Variants in SRD5A1 observed in about 807,000 individuals in gnomAD.
SRD5A1 encodes steroid 5 alpha-reductase 1.
In SRD5A1, 22 loss-of-function variants were observed where a neutral mutation model predicts 28.2. That is an observed-to-expected ratio of 0.78 (90% CI 0.56 to 1.12). SRD5A1 has a LOEUF of 1.12. Ranked by LOEUF, SRD5A1 falls within the 50% of genes most tolerant of loss-of-function variation. SRD5A1 has a pLI of 0.00. For synonymous variants in SRD5A1, 151 were observed against 135.0 expected (o/e 1.12, Z -0.82); for missense variants, 300 against 346.7 (o/e 0.87, Z 1.07).
chr5:6,663,491 T>A (rs537399771), intron 4 of SRD5A1, among the ~76,000 whole-genome samples: 1 of 152,332 alleles, frequency 6.6e-6, no homozygotes, highest in South Asian at 2.1e-4. Context: ...TGACATCATT[T>A]TCCAGAGACC....
chr5:6,638,057 G>A (rs575838847), intron 1 of SRD5A1, among the ~76,000 whole-genome samples: 1 of 152,320 alleles, frequency 6.6e-6, no homozygotes, highest in Admixed American at 6.5e-5. Context: ...AGTTTTTTTA[G>A]GCTGGGCGCA....
chr5:6,635,730 G>A (rs183292412), intron 1 of SRD5A1, among the ~76,000 whole-genome samples: 1 of 152,320 alleles, frequency 6.6e-6, no homozygotes, highest in African/African-American at 2.4e-5. Context: ...AGCCTCATGT[G>A]CCAGCAAAAC....
chr5:6,635,692 C>G (rs1560149), intron 1 of SRD5A1, among the ~76,000 whole-genome samples: 28,852 of 152,266 alleles, frequency 0.19, 3,285 homozygotes, highest in East Asian at 0.49. Context: ...GACATGTACT[C>G]TGTGTGTCAT....
chr5:6,656,876 C>T (rs1188395093), intron 3 of SRD5A1, among the ~76,000 whole-genome samples: 1 of 152,080 alleles, frequency 6.6e-6, no homozygotes, highest in Non-Finnish European at 1.5e-5. Flanking sequence ...GGTACAGAAC[C>T]CACAAGGAAG....
intron 1 of SRD5A1, among the ~76,000 whole-genome samples, chr5:6,641,182 T>C (rs1738345178): frequency 6.6e-6 from 1 of 152,184 alleles, no homozygotes; most frequent in African/African-American, 2.4e-5. Context: ...GACCCTGTCA[T>C]TTATGCCTGG....
At chr5:6,635,651 A>C (rs1738162464) in intron 1 of SRD5A1, among the ~76,000 whole-genome samples, 1 of 152,220 alleles carries the variant, frequency 6.6e-6, no homozygotes, top group Non-Finnish European at 1.5e-5. Context: ...AATACCTAGC[A>C]CTATTTTGCA....
intron 4 of SRD5A1, among the ~76,000 whole-genome samples, chr5:6,666,352 G>T (rs1201317892): frequency 6.6e-6 from 1 of 152,132 alleles, no homozygotes; most frequent in Non-Finnish European, 1.5e-5. Context: ...GTTTCACCGT[G>T]TCAGCCAGGA....
intron 3 of SRD5A1, among the ~76,000 whole-genome samples, chr5:6,660,126 A>G (rs1186388682): frequency 6.6e-6 from 1 of 152,236 alleles, no homozygotes; most frequent in Non-Finnish European, 1.5e-5. Context: ...CAGTACATAC[A>G]GGCTGAACTA....
At chr5:6,667,072 C>T (rs1177855421) in intron 4 of SRD5A1, among the ~76,000 whole-genome samples, 1 of 152,246 alleles carries the variant, frequency 6.6e-6, no homozygotes, top group Admixed American at 6.5e-5. Context: ...CTGTGAACAC[C>T]TTCAGCCTCT....
At chr5:6,666,799 G>T (rs1056383194) in intron 4 of SRD5A1, among the ~76,000 whole-genome samples, 1 of 151,562 alleles carries the variant, frequency 6.6e-6, no homozygotes, top group Non-Finnish European at 1.5e-5. Context: ...CCAGCCTGGT[G>T]GGGGGGCGCG....
At chr5:6,659,187 C>T (rs967322050) in intron 3 of SRD5A1, among the ~76,000 whole-genome samples, 1 of 151,416 alleles carries the variant, frequency 6.6e-6, no homozygotes, top group African/African-American at 2.4e-5. Flanking sequence ...GATCTCGGCT[C>T]ACTGCAAGCT....
intron 1 of SRD5A1, among the ~76,000 whole-genome samples, chr5:6,642,288 T>C (rs1738388565): frequency 6.6e-6 from 1 of 152,242 alleles, no homozygotes; most frequent in Non-Finnish European, 1.5e-5. Context: ...AGTCCACATG[T>C]ATATGATTTT....
At chr5:6,635,173 A>T (rs1738143725) in intron 1 of SRD5A1, among the ~76,000 whole-genome samples, 1 of 152,220 alleles carries the variant, frequency 6.6e-6, no homozygotes, top group Middle Eastern at 3.2e-3. Context: ...GAGTTCCCTG[A>T]AAACCAGCAC....
At chr5:6,649,059 G>T (rs1400072996) in intron 1 of SRD5A1, among the ~76,000 whole-genome samples, 1 of 152,188 alleles carries the variant, frequency 6.6e-6, no homozygotes, top group Admixed American at 6.5e-5. Context: ...GGAGGCTGCA[G>T]AACAACAAAC....
intron 1 of SRD5A1, among the ~76,000 whole-genome samples, chr5:6,642,405 A>G (rs1412297216): frequency 2.0e-5 from 3 of 152,196 alleles, no homozygotes; most frequent in Non-Finnish European, 4.4e-5. Context: ...ATATCTTCCT[A>G]TGGAAGATTA....
Position 6,657,748 on chromosome 5 carries a change from G to A in SRD5A1, c.562+1569G>A, listed in dbSNP as rs531733161. 5.3e-5 allele frequency among the ~76,000 whole-genome samples: 8 copies of A among 152,306 alleles called. No homozygotes were observed. The South Asian group carries it at 8.3e-4, about 16-fold the overall frequency. On this transcript the variant is annotated intron_variant, in intron 3 of 4. Coordinates refer to ENST00000274192, the MANE Select transcript of SRD5A1 (RefSeq NM_001047.4). ...GGCCCTCCTGGGCCAGGCTGGTTACGGAAAGGCCTGCGGTGCCTTATACAG... is the reference window on the plus strand; with the variant it reads ...GGCCCTCCTGGGCCAGGCTGGTTACAGAAAGGCCTGCGGTGCCTTATACAG...
At chr5:6,645,186 A>G in intron 1 of SRD5A1, 1 of 350,504 alleles carries the variant, frequency 2.9e-6, no homozygotes, top group Non-Finnish European at 5.7e-6. Flanking sequence ...GCATGACACT[A>G]CTATTATGTG....
intron 4 of SRD5A1, among the ~76,000 whole-genome samples, chr5:6,667,080 T>C (rs375471777): frequency 8.3e-4 from 127 of 152,334 alleles, no homozygotes; most frequent in African/African-American, 2.9e-3. Context: ...ACCTTCAGCC[T>C]CTAACCAGCG....
At position 6,647,385 on chromosome 5, in the gene SRD5A1, C is replaced by A. The variant is rs547225951; in HGVS notation, c.294-4457C>A. ...AATATTGACAGTGGGGTGTTAAAGT[C>A]TCCCACTATTATTGTGTGGGAGTCT... On this transcript the variant is annotated intron_variant, in intron 1 of 4. Transcript: ENST00000274192. 2.3e-4 allele frequency among the ~76,000 whole-genome samples: 35 copies of A among 152,294 alleles called. 1 individual carries two copies. Among genetic ancestry groups the A allele is most frequent in the African/African-American group, 7.5e-4 (31 of 41,564 alleles).
Sources: gnomAD v4.1 joint callset for allele counts (sites outside exome capture counted in the v4.1 genomes callset) on GRCh38, gnomAD v4.1.1 for gene constraint, MANE v1.5 for transcripts, NCBI Gene and HGNC (gene_info 2026-07-23, HGNC 2026-07-21) for gene names.